Variants in ATP13A2 observed in about 807,000 individuals in gnomAD.
ATP13A2 encodes ATPase cation transporting 13A2.
A neutral mutation model predicts 138.3 loss-of-function variants in ATP13A2; 83 were observed. The ratio of observed to expected loss-of-function variants is 0.60; its 90% CI spans 0.50 to 0.72. ATP13A2 has a LOEUF of 0.72. Among genes scored for constraint, ATP13A2 ranks in the 30% least tolerant of loss-of-function variants. ATP13A2 has a pLI of 0.00. For missense variants in ATP13A2, 1,402 were observed against 1,606.4 expected (o/e 0.87, Z 2.17); for synonymous variants, 663 against 699.0 (o/e 0.95, Z 0.81).
chr1:16,999,897 T>C, intron 11 of ATP13A2, 114 bp downstream of exon 11: 1 of 1,391,676 alleles, frequency 7.2e-7, no homozygotes, highest in Non-Finnish European at 9.5e-7. Flanking sequence ...TGAAACTCCG[T>C]CTCACAAAAA....
intron 25 of ATP13A2, among the ~76,000 whole-genome samples, 192 bp from the exon 26 acceptor site, chr1:16,987,461 C>A (rs2076778138): frequency 6.6e-6 from 1 of 152,178 alleles, no homozygotes; most frequent in Non-Finnish European, 1.5e-5. Context: ...AACCCCTGGT[C>A]TGATGGAAAG....
intron 6 of ATP13A2, 109 bp from the exon 7 acceptor site, chr1:17,002,482 G>C: frequency 2.3e-6 from 3 of 1,288,688 alleles, no homozygotes; most frequent in Non-Finnish European, 3.3e-6. Flanking sequence ...TCCCCGTTCT[G>C]CCACACTGAG....
chr1:16,990,078 G>C, intron 21 of ATP13A2, 49 bp downstream of exon 21: 1 of 1,613,848 alleles, frequency 6.2e-7, no homozygotes, highest in African/African-American at 1.3e-5. Flanking sequence ...GGTGACACAG[G>C]GGTGGGGTCA....
At chr1:16,990,518 C>CA (rs1553166351) in intron 20 of ATP13A2, among the ~76,000 whole-genome samples, 2 of 151,964 alleles carry the variant, frequency 1.3e-5, no homozygotes, top group African/African-American at 4.8e-5. Flanking sequence ...ACATATACTC[C>CA]TTTTTTTTCT....
chr1:16,995,907 G>T lies in ATP13A2; in HGVS notation c.1542+69C>A, dbSNP rs772859557. ...GGGTGCTGCTGAGAGAATAACGCGG[G>T]TGTGGAGGCCTCACTGGGGCGCCTG... On this transcript the variant is annotated intron_variant, in intron 15 of 28. Coordinates refer to ENST00000326735, the MANE Select transcript of ATP13A2 (RefSeq NM_022089.4). The surrounding 1 kb of genome is among the most constrained non-coding windows in gnomAD (Gnocchi z 4.1). The T allele has an allele frequency of 2.5e-5, 40 of 1,579,154 alleles. No homozygotes were observed. The highest frequency in any genetic ancestry group is 4.5e-5 in the East Asian group (2 of 44,372).
At chr1:17,007,408 G>A (rs1008023761) in intron 1 of ATP13A2, among the ~76,000 whole-genome samples, 1 of 152,134 alleles carries the variant, frequency 6.6e-6, no homozygotes, top group Non-Finnish European at 1.5e-5. Flanking sequence ...GCCGGGGTAG[G>A]GATGGTGCTA....
At chr1:16,996,520 A>G in intron 12 of ATP13A2, 24 bp from the exon 13 acceptor site, 6 of 1,602,590 alleles carry the variant, frequency 3.7e-6, no homozygotes, top group Non-Finnish European at 5.1e-6. Flanking sequence ...GGGGACCCCA[A>G]GGCAGGGAAG....
chr1:16,986,172 T>C lies in ATP13A2; in HGVS notation c.*49A>G, dbSNP rs573196719. On this transcript the variant is annotated 3_prime_UTR_variant, in exon 29 of 29. Coordinates refer to ENST00000326735, the MANE Select transcript of ATP13A2 (RefSeq NM_022089.4). This position sits in a 1 kb window ranked among gnomAD's most constrained non-coding sequence, Gnocchi z 6.9. ...TGTTGCTGGAGAGGGGTCCAGTTGG[T>C]GGCTCAGAGGCAGGGAGTTCCAGTG... The C allele has an allele frequency of 5.6e-6, 9 of 1,611,690 alleles. No individual in the cohort carries two copies. The East Asian group carries it at 1.1e-4, about 20-fold the overall frequency.
Position 17,005,499 on chromosome 1 carries a change from A to G in ATP13A2, c.163T>C (p.Trp55Arg). 6.2e-7 allele frequency: 1 copy of G among 1,614,266 alleles called. No homozygotes were observed. The highest frequency in any genetic ancestry group is 8.5e-7 in the Non-Finnish European group (1 of 1,180,050). The change falls in exon 3 of 29, where the codon TGG (tryptophan) becomes CGG (arginine). Residue 55 changes from tryptophan (W) to arginine (R), a missense_variant. By Grantham distance (101) the Trp-to-Arg change is moderately radical (BLOSUM62 -3). Transcript: ENST00000326735. ...AGCAAAGGGATCCCAGCCATCATCCAGACCACGACGTGATAGCCGATGACC... is the reference window on the plus strand; with the variant it reads ...AGCAAAGGGATCCCAGCCATCATCCGGACCACGACGTGATAGCCGATGACC... ...WRVIGYHVVV[W>R]MMAGIPLLLF...
At position 16,987,069 on chromosome 1, in the gene ATP13A2, G is replaced by T. The variant is rs1256325177; in HGVS notation, c.3060C>A (p.Tyr1020Ter). Residue 1020 changes from tyrosine (Y) to a stop codon, truncating the protein, a stop_gained, in exon 26 of 29, where the codon TAC becomes TAA. Transcript: ENST00000326735. LOFTEE classifies it high-confidence loss of function. Reference sequence around the variant, plus strand: ...ACCATGGCTGGGCCAGGGTCAGGAAGTAGCCCCCTAGCTGCACGCCGGTCA... The same window carrying T: ...ACCATGGCTGGGCCAGGGTCAGGAATTAGCCCCCTAGCTGCACGCCGGTCA... ...VLVTGVQLGG[Y>*]FLTLAQPWFV... is the part of the protein sequence containing the mutation. 1.2e-6 allele frequency: 2 copies of T among 1,613,508 alleles called. No individual in the cohort carries two copies. Among genetic ancestry groups the T allele is most frequent in the Non-Finnish European group, 8.5e-7 (1 of 1,179,972 alleles).
intron 1 of ATP13A2, among the ~76,000 whole-genome samples, chr1:17,006,012 G>A (rs372659375): frequency 6.6e-6 from 1 of 152,106 alleles, no homozygotes; most frequent in Non-Finnish European, 1.5e-5. Flanking sequence ...GCGCGTGCCT[G>A]TAATCTCAGC....
rs753424908 is a variant in ATP13A2 at position 17,011,757 on chromosome 1, T to A, written c.-19A>T. On this transcript the variant is annotated 5_prime_UTR_variant, in exon 1 of 29. The change abolishes an upstream ATG in the 5' untranslated region. Transcript: ENST00000326735. This position sits in a 1 kb window ranked among gnomAD's most constrained non-coding sequence, Gnocchi z 7.3. The stretch of plus-strand genomic sequence containing the variant: ...CGCTCATGCCGGCTCCTCGCGCTCA[T>A]CGCCGGCCCCGGCGCTGCGGCCCTC... 5 of 1,446,870 alleles carry A rather than the reference T, an allele frequency of 3.5e-6. No individual in the cohort carries two copies. The South Asian group carries it at 6.6e-5, about 19-fold the overall frequency. 89.6% of individuals were successfully genotyped at this position (1,446,870 alleles called of 1,614,324 possible). A position where few individuals can be genotyped will look rare whatever the true frequency, so the allele number is the denominator to read the frequency against.
intron 11 of ATP13A2, among the ~76,000 whole-genome samples, chr1:16,997,736 G>A (rs2077194452): frequency 6.6e-6 from 1 of 151,930 alleles, no homozygotes; most frequent in African/African-American, 2.4e-5. Context: ...AGCTACTTGG[G>A]AGGCTAAGGC....
In ATP13A2 at chr1:16,995,834, G is replaced by T; in HGVS notation, c.1542+142C>A. 2.0e-6 allele frequency: 2 copies of T among 998,620 alleles called. No homozygotes were observed. The highest frequency in any genetic ancestry group is 1.5e-6 in the Non-Finnish European group (1 of 654,902). 61.9% of individuals were successfully genotyped at this position (998,620 alleles called of 1,614,324 possible). A position where few individuals can be genotyped will look rare whatever the true frequency, so the allele number is the denominator to read the frequency against. On this transcript the variant is annotated intron_variant, in intron 15 of 28. Coordinates refer to ENST00000326735, the MANE Select transcript of ATP13A2 (RefSeq NM_022089.4). This position sits in a 1 kb window ranked among gnomAD's most constrained non-coding sequence, Gnocchi z 4.1. ...CCAGTGAGGGCAGGAGTGGGATGGG[G>T]TGGATCCTCTGGGGGTTTCCATCCC... is the stretch of plus-strand genomic sequence containing the variant.
intron 1 of ATP13A2, among the ~76,000 whole-genome samples, chr1:17,009,096 G>A (rs1401564030): frequency 6.6e-6 from 1 of 152,132 alleles, no homozygotes; most frequent in Non-Finnish European, 1.5e-5. Context: ...TTTGACAAAC[G>A]AGAGCACTGA....
In ATP13A2 at chr1:16,992,368, C is replaced by G; in HGVS notation, c.1880G>C (p.Arg627Pro). 1 of 1,613,436 alleles carries G rather than the reference C, an allele frequency of 6.2e-7. No homozygotes were observed. Residue 627 changes from arginine to proline, a missense_variant, in exon 18 of 29, where the codon CGC becomes CCC. Coordinates refer to ENST00000326735, the MANE Select transcript of ATP13A2 (RefSeq NM_022089.4). ...EPPVPVSVLH[R>P]FPFSSALQRM... is the part of the protein sequence containing the mutation. ...CTGCAGAGCCGAAGAGAAGGGGAAG[C>G]GGTGGAGGACGCTGACTGGCACCGG... is the stretch of plus-strand genomic sequence containing the variant.
intron 1 of ATP13A2, among the ~76,000 whole-genome samples, chr1:17,006,939 G>A (rs1391303814): frequency 6.6e-6 from 1 of 152,024 alleles, no homozygotes; most frequent in Non-Finnish European, 1.5e-5. Context: ...CGCCCAGTCT[G>A]GAATACAATG....
intron 15 of ATP13A2, among the ~76,000 whole-genome samples, chr1:16,994,661 C>T (rs758806732): frequency 4.6e-5 from 7 of 151,774 alleles, no homozygotes; most frequent in Admixed American, 2.6e-4. Context: ...TCCCCCTCCC[C>T]GGTTTATTTA....
chr1:17,007,290 C>T (rs1323220289), intron 1 of ATP13A2, among the ~76,000 whole-genome samples: 1 of 152,176 alleles, frequency 6.6e-6, no homozygotes, highest in Non-Finnish European at 1.5e-5. Context: ...CAGCCCCACC[C>T]TTGGACAGCC....
Sources: gnomAD v4.1 joint callset for allele counts (sites outside exome capture counted in the v4.1 genomes callset) on GRCh38, gnomAD v4.1.1 for gene constraint, Gnocchi (gnomAD v3.1) non-coding constraint, MANE v1.5 for transcripts, NCBI Gene and HGNC (gene_info 2026-07-23, HGNC 2026-07-21) for gene names.